Variants in CNTN3 observed in about 807,000 individuals in gnomAD.
The protein encoded by CNTN3 is contactin 3, also known as contactin-3.
A neutral mutation model predicts 119.1 loss-of-function variants in CNTN3; 60 were observed. The ratio of observed to expected loss-of-function variants is 0.50; its 90% CI spans 0.41 to 0.62. The LOEUF (loss-of-function observed/expected upper bound fraction) is 0.62, where lower values mean the gene tolerates loss of function less well. Ranked by LOEUF, CNTN3 falls within the 20% of genes least tolerant of loss-of-function variation. The probability of loss-of-function intolerance (pLI) is 0.00; values close to 1 mark genes in which losing one functional copy is unlikely to be tolerated. For missense variants in CNTN3, 1,101 were observed against 1,242.4 expected (o/e 0.89, Z 1.71); for synonymous variants, 450 against 438.7 (o/e 1.03, Z -0.32).
chr3:74,491,516 AAAAC>A (rs917653406), intron 3 of CNTN3, among the ~76,000 whole-genome samples: 5 of 151,964 alleles, frequency 3.3e-5, no homozygotes, highest in East Asian at 1.9e-4. Flanking sequence ...CAAAAAACAA[AAAAC>A]AAACAAACAA....
chr3:74,579,073 A>C (rs1002302295), intron 1 of CNTN3, among the ~76,000 whole-genome samples: 1 of 152,070 alleles, frequency 6.6e-6, no homozygotes, highest in Non-Finnish European at 1.5e-5. Context: ...AAAAATTTCC[A>C]TGTAAACAAT....
intron 13 of CNTN3, among the ~76,000 whole-genome samples, chr3:74,319,723 A>T (rs900852249): frequency 5.3e-5 from 8 of 151,938 alleles, no homozygotes; most frequent in African/African-American, 1.7e-4. Flanking sequence ...ATCAGAGTGA[A>T]CAGGCACCCT....
At chr3:74,428,812 T>C (rs887329252) in intron 4 of CNTN3, among the ~76,000 whole-genome samples, 7 of 152,182 alleles carry the variant, frequency 4.6e-5, no homozygotes, top group Non-Finnish European at 7.3e-5. Flanking sequence ...GCTCCATTCA[T>C]GGTAAGTGTT....
chr3:74,494,500 G>C (rs1390178352), intron 3 of CNTN3, among the ~76,000 whole-genome samples: 1 of 152,014 alleles, frequency 6.6e-6, no homozygotes, highest in Non-Finnish European at 1.5e-5. Flanking sequence ...ACATTTTGCA[G>C]AAGAAATGAG....
chr3:74,418,852 G>A (rs368584005), intron 5 of CNTN3, among the ~76,000 whole-genome samples: 2 of 151,514 alleles, frequency 1.3e-5, no homozygotes, highest in East Asian at 1.9e-4. Flanking sequence ...GCAATGGTGC[G>A]ATCTCGGCTT....
intron 6 of CNTN3, 117 bp downstream of exon 6, chr3:74,371,079 C>T: frequency 1.4e-6 from 1 of 710,720 alleles, no homozygotes; most frequent in Middle Eastern, 2.9e-4. Flanking sequence ...ATAGTCTGTG[C>T]CAAAAAACAT....
At chr3:74,516,041 T>C (rs940517570) in intron 2 of CNTN3, among the ~76,000 whole-genome samples, 2 of 151,974 alleles carry the variant, frequency 1.3e-5, no homozygotes, top group Admixed American at 1.3e-4. Context: ...TGTAGAAGAA[T>C]GTACAACACA....
chr3:74,347,030 G>A (rs1008756177), intron 11 of CNTN3, among the ~76,000 whole-genome samples: 21 of 152,144 alleles, frequency 1.4e-4, no homozygotes, highest in Admixed American at 7.2e-4. Context: ...AATATTTGTT[G>A]AGTACTTAAA....
At chr3:74,552,105 T>C (rs897367566) in intron 1 of CNTN3, among the ~76,000 whole-genome samples, 1 of 152,162 alleles carries the variant, frequency 6.6e-6, no homozygotes, top group African/African-American at 2.4e-5. Flanking sequence ...TTAAGGTTTC[T>C]CCATGTCTTT....
At chr3:74,352,104 C>A (rs1575745391) in intron 11 of CNTN3, among the ~76,000 whole-genome samples, 1 of 152,188 alleles carries the variant, frequency 6.6e-6, no homozygotes, top group Admixed American at 6.5e-5. Context: ...TGGAAGAACT[C>A]AAGCCAGGCT....
chr3:74,284,882 AT>A lies in CNTN3; in HGVS notation c.2704+422del, dbSNP rs543318070. Among the ~76,000 whole-genome samples, 20 of 152,268 alleles carry A rather than the reference AT, an allele frequency of 1.3e-4. No individual in the cohort carries two copies. The South Asian group carries it at 3.3e-3, about 25-fold the overall frequency. On this transcript the variant is annotated intron_variant, in intron 20 of 22. Coordinates refer to ENST00000263665, the MANE Select transcript of CNTN3 (RefSeq NM_020872.3). ...TGATAACCATTTAATGCACATTGCC[AT>A]TTTTTGTATGATGGAGGAAAGAAAG...
chr3:74,408,500 C>T (rs1012451367), intron 5 of CNTN3, among the ~76,000 whole-genome samples: 3 of 152,090 alleles, frequency 2.0e-5, no homozygotes, highest in Non-Finnish European at 4.4e-5. Flanking sequence ...TGGAAGTTAT[C>T]CCTGTCTTTA....
chr3:74,317,213 T>G (rs1336946327), intron 13 of CNTN3, among the ~76,000 whole-genome samples: 2 of 150,084 alleles, frequency 1.3e-5, no homozygotes, highest in Non-Finnish European at 3.0e-5. Context: ...CATCCCTTTA[T>G]TTTGAGCCTA....
At chr3:74,453,571 T>C (rs1391461898) in intron 4 of CNTN3, among the ~76,000 whole-genome samples, 2 of 151,954 alleles carry the variant, frequency 1.3e-5, no homozygotes, top group Non-Finnish European at 2.9e-5. Flanking sequence ...TTGAATGTGT[T>C]TGCTCTTGCT....
intron 5 of CNTN3, among the ~76,000 whole-genome samples, chr3:74,414,877 C>CTTTTTTTTTTTTTTTT (rs71129747): frequency 8.5e-6 from 1 of 117,148 alleles, no homozygotes; most frequent in Non-Finnish European, 1.7e-5. Flanking sequence ...TTCCTATAGT[C>CTTTTTTTTTTTTTTTT]TTTTTTTTTT....
At chr3:74,305,234 A>G (rs1449947749) in intron 13 of CNTN3, among the ~76,000 whole-genome samples, 2 of 151,772 alleles carry the variant, frequency 1.3e-5, no homozygotes, top group East Asian at 3.9e-4. Context: ...TGTGTAGACG[A>G]CGGCAAAATG....
intron 1 of CNTN3, among the ~76,000 whole-genome samples, chr3:74,550,558 G>A (rs1180251600): frequency 6.6e-6 from 1 of 152,036 alleles, no homozygotes; most frequent in Non-Finnish European, 1.5e-5. Context: ...ATTATTATTT[G>A]AGACAGCTCT....
chr3:74,589,971 G>A (rs1409354500), intron 1 of CNTN3, among the ~76,000 whole-genome samples: 23 of 116,334 alleles, frequency 2.0e-4, no homozygotes, highest in African/African-American at 6.7e-4. Flanking sequence ...GTGGGGGGGA[G>A]GGGGGAGGGA....
chr3:74,405,455 G>A (rs1024289657), intron 5 of CNTN3, among the ~76,000 whole-genome samples: 1 of 151,944 alleles, frequency 6.6e-6, no homozygotes, highest in Non-Finnish European at 1.5e-5. Flanking sequence ...CATTGTTTTA[G>A]TAATTCATAG....
Sources: allele counts gnomAD v4.1 joint callset (sites outside exome capture counted in the v4.1 genomes callset), GRCh38; gene constraint gnomAD v4.1.1; transcripts MANE v1.5; gene names NCBI Gene and HGNC (gene_info 2026-07-23, HGNC 2026-07-21).